Variants in CMTM4 observed in about 807,000 individuals in gnomAD.
CMTM4 encodes the protein CKLF-like MARVEL transmembrane domain-containing protein 4.
A neutral mutation model predicts 19.0 loss-of-function variants in CMTM4; 8 were observed. The ratio of observed to expected loss-of-function variants is 0.42; its 90% CI spans 0.25 to 0.76. The LOEUF is 0.76. Among genes scored for constraint, CMTM4 ranks in the 30% least tolerant of loss-of-function variants. CMTM4 has a pLI of 0.27. For synonymous variants in CMTM4, 106 were observed against 121.1 expected, an observed-to-expected ratio of 0.88 and a Z score of 0.82; for missense variants, 228 against 290.2, an observed-to-expected ratio of 0.79 and a Z score of 1.56.
At chr16:66,604,715 C>T in the CMTM4 span, 1 of 1,025,248 alleles carries the variant, frequency 9.8e-7, no homozygotes. Context: ...GTGTCGCCTG[C>T]CCTCCTTCCG....
At chr16:66,599,484 G>GTTGT in the CMTM4 span, among the ~76,000 whole-genome samples, 71 of 150,478 alleles carry the variant, frequency 4.7e-4, no homozygotes, top group South Asian at 1.5e-3. Context: ...TTGTTTGCTT[G>GTTGT]TTGTTTGTTT....
intron 1 of CMTM4, among the ~76,000 whole-genome samples, chr16:66,693,819 G>A (rs1225491470): frequency 1.3e-5 from 2 of 152,102 alleles, no homozygotes; most frequent in African/African-American, 2.4e-5. Context: ...TCAGGAGTTC[G>A]AGACCAGCCT....
rs920838194 is a variant in CMTM4, at chr16:66,649,617, G to A, written c.187-13036C>T. Among the ~76,000 whole-genome samples the A allele has an allele frequency of 3.3e-5, 5 of 152,054 alleles. 1 individual carries two copies. The highest frequency in any genetic ancestry group is 7.2e-5 in the African/African-American group (3 of 41,408). Reference sequence around the variant, plus strand: ...CCTGGTGTCCTGCAGACTCCACAGTGGGAGCAGGTATGGTCCGTCCTCAGC... The same window carrying A: ...CCTGGTGTCCTGCAGACTCCACAGTAGGAGCAGGTATGGTCCGTCCTCAGC... On this transcript the variant is annotated intron_variant, in intron 1 of 3. Coordinates refer to ENST00000394106, the MANE Select transcript of CMTM4 (RefSeq NM_181521.3).
In CMTM4 at chr16:66,681,822, C is replaced by T. The variant is rs575277498; in HGVS notation, c.186+14518G>A. Among the ~76,000 whole-genome samples the T allele has an allele frequency of 5.3e-5, 8 of 152,296 alleles. No individual in the cohort carries two copies. In the South Asian group the frequency reaches 1.7e-3, roughly 32 times the overall value. ...AAATCACTTGCCCTTCCCTTCCATA[C>T]CTTTGCCTGGTGAACCACACTTGAC... On this transcript the variant is annotated intron_variant, in intron 1 of 3. Coordinates refer to ENST00000394106, the MANE Select transcript of CMTM4 (RefSeq NM_181521.3).
At chr16:66,676,892 G>C (rs2016818935) in intron 1 of CMTM4, among the ~76,000 whole-genome samples, 1 of 152,210 alleles carries the variant, frequency 6.6e-6, no homozygotes, top group Non-Finnish European at 1.5e-5. Context: ...CCAGTGCCCA[G>C]AGAGTCAGGG....
intron 2 of CMTM4, among the ~76,000 whole-genome samples, chr16:66,630,445 T>C (rs1169397601): frequency 3.3e-5 from 5 of 151,112 alleles, no homozygotes; most frequent in Admixed American, 6.6e-5. Flanking sequence ...CCTGCCTGAT[T>C]CTCCTGCCTC....
At chr16:66,683,129 GTATATATATATATA>G (rs751833787) in intron 1 of CMTM4, among the ~76,000 whole-genome samples, 2 of 115,946 alleles carry the variant, frequency 1.7e-5, no homozygotes, top group African/African-American at 6.7e-5. Context: ...GTGTGTGTGT[GTATATATATATATA>G]TATGTATATA....
At chr16:66,607,332 G>T in the CMTM4 span, among the ~76,000 whole-genome samples, 4 of 152,322 alleles carry the variant, frequency 2.6e-5, no homozygotes, top group East Asian at 7.7e-4. Context: ...AAGTACAGCT[G>T]GCCCCACCTT....
rs1261399043 is a variant in CMTM4, at chr16:66,683,199, A to ATATATG, written c.186+13140_186+13141insCATATA. Among the ~76,000 whole-genome samples the ATATATG allele has an allele frequency of 2.3e-3, 288 of 126,074 alleles. 4 individuals carry two copies. The highest frequency in any genetic ancestry group is 0.012 in the South Asian group (43 of 3,600). 82.7% of individuals were successfully genotyped at this position (126,074 alleles called of 152,430 possible). On this transcript the variant is annotated intron_variant, in intron 1 of 3. Transcript: ENST00000394106. The stretch of plus-strand genomic sequence containing the variant: ...TACATATGTATATATATATACATAT[A>ATATATG]TATATATATATAAATTTTCCCCATG...
At position 66,622,288 on chromosome 16, in the gene CMTM4, A is replaced by C. The variant is rs1596901319; in HGVS notation, c.463-66T>G. 6.4e-7 allele frequency: 1 copy of C among 1,556,634 alleles called. No homozygotes were observed. Among genetic ancestry groups the C allele is most frequent in the East Asian group, 2.3e-5 (1 of 43,794 alleles). ...CTGGCCCCTCAAGGCTTCTGTGGTGACCCAAGCCACATGCAGCCCCTTCCT... is the reference window on the plus strand; with the variant it reads ...CTGGCCCCTCAAGGCTTCTGTGGTGCCCCAAGCCACATGCAGCCCCTTCCT... On this transcript the variant is annotated intron_variant, in intron 3 of 3. Coordinates refer to ENST00000394106, the MANE Select transcript of CMTM4 (RefSeq NM_181521.3). This position sits in a 1 kb window ranked among gnomAD's most constrained non-coding sequence, Gnocchi z 4.0.
rs2015587080 is a variant in CMTM4, at chr16:66,619,432, A to G, written c.*2626T>C. On this transcript the variant is annotated 3_prime_UTR_variant, in exon 4 of 4. Transcript: ENST00000394106. ...ATGTGAAAACCAATATCGTCCCACC[A>G]GAACACTGAGAAAAACTAAGGTCGC... 1 of 985,368 alleles carries G rather than the reference A, an allele frequency of 1.0e-6. No homozygotes were observed. The highest frequency in any genetic ancestry group is 1.7e-5 in the African/African-American group (1 of 57,258). 61.0% of individuals were successfully genotyped at this position (985,368 alleles called of 1,614,324 possible). A position where few individuals can be genotyped will look rare whatever the true frequency, so the allele number is the denominator to read the frequency against.
chr16:66,604,689 G>C, the CMTM4 span: 1 of 787,398 alleles, frequency 1.3e-6, no homozygotes, highest in South Asian at 6.2e-5. Context: ...CGGGGGATGC[G>C]CCCCTGCGCG....
intron 1 of CMTM4, among the ~76,000 whole-genome samples, chr16:66,654,962 T>C (rs1433067991): frequency 1.3e-5 from 2 of 152,116 alleles, no homozygotes; most frequent in Non-Finnish European, 2.9e-5. Context: ...TGTGAACATG[T>C]AGAATGTACC....
chr16:66,671,452 A>C (rs917898210), intron 1 of CMTM4, among the ~76,000 whole-genome samples: 2 of 152,226 alleles, frequency 1.3e-5, no homozygotes, highest in African/African-American at 4.8e-5. Context: ...AGCACTCAGC[A>C]AAGACTTGTG....
Position 66,696,640 on chromosome 16 carries a change from T to G in CMTM4, c.-115A>C. 3.8e-6 allele frequency: 2 copies of G among 521,954 alleles called. No homozygotes were observed. Among genetic ancestry groups the G allele is most frequent in the Non-Finnish European group, 4.9e-6 (2 of 409,688 alleles). 32.3% of individuals were successfully genotyped at this position (521,954 alleles called of 1,614,324 possible). ...CCGCCGCCGCCGCCGCCCGACTGAC[T>G]GCCCGCGGCCCGCCCGCCGCCGCCG... On this transcript the variant is annotated 5_prime_UTR_variant, in exon 1 of 4. Transcript: ENST00000394106. The surrounding 1 kb of genome is among the most constrained non-coding windows in gnomAD (Gnocchi z 4.3).
intron 1 of CMTM4, among the ~76,000 whole-genome samples, chr16:66,643,222 C>T (rs2016129182): frequency 6.6e-6 from 1 of 152,178 alleles, no homozygotes. Flanking sequence ...CACCCAGCCA[C>T]AGTGGGCATT....
In CMTM4 at chr16:66,622,069, G is replaced by C. The variant is rs2015647086; in HGVS notation, c.616C>G (p.Leu206Val). The stretch of plus-strand genomic sequence containing the variant: ...ATCCAGGCAGGTCCTCACGTGTCCA[G>C]GCGCTGGATCTCAGGGCGACTGTCC... ...DVDSRPEIQR[L>V]DT The change falls in exon 4 of 4, where the codon CTG (leucine) becomes GTG (valine). Residue 206 changes from leucine to valine, a missense_variant. This residue lies in a region of CMTM4 where 7 missense variants were observed against 20.5 expected (regional missense o/e 0.34). Coordinates refer to ENST00000394106, the MANE Select transcript of CMTM4 (RefSeq NM_181521.3). The surrounding 1 kb of genome is among the most constrained non-coding windows in gnomAD (Gnocchi z 4.0). 1.3e-6 allele frequency: 2 copies of C among 1,569,190 alleles called. No homozygotes were observed. Among genetic ancestry groups the C allele is most frequent in the African/African-American group, 2.7e-5 (2 of 74,278 alleles).
chr16:66,663,691 C>A (rs142295086), intron 1 of CMTM4, among the ~76,000 whole-genome samples: 1 of 151,326 alleles, frequency 6.6e-6, no homozygotes, highest in Non-Finnish European at 1.5e-5. Context: ...TACAGGCAAG[C>A]GCCGCCACAC....
chr16:66,619,247 C>T lies in CMTM4; in HGVS notation c.*2811G>A, dbSNP rs1567401399. 1.0e-6 allele frequency: 1 copy of T among 985,316 alleles called. No homozygotes were observed. Among genetic ancestry groups the T allele is most frequent in the Non-Finnish European group, 1.2e-6 (1 of 829,948 alleles). The allele number at this position is 985,316 out of a possible 1,614,324, so 61.0% of individuals were successfully genotyped here. A position where few individuals can be genotyped will look rare whatever the true frequency, so the allele number is the denominator to read the frequency against. On this transcript the variant is annotated 3_prime_UTR_variant, in exon 4 of 4. Transcript: ENST00000394106. ...AGAGGGAAAAAATACCAAATCCACC[C>T]AATCAGTGCCAAAATAAACTTTCTC... is the stretch of plus-strand genomic sequence containing the variant.
Sources: gnomAD v4.1 joint callset for allele counts (sites outside exome capture counted in the v4.1 genomes callset) on GRCh38, gnomAD v4.1.1 for gene constraint, gnomAD v4.1.1 regional missense constraint, Gnocchi (gnomAD v3.1) non-coding constraint, MANE v1.5 for transcripts, NCBI Gene and HGNC (gene_info 2026-07-23, HGNC 2026-07-21) for gene names.